Variants in CTDP1 observed in about 807,000 individuals in gnomAD.
The protein encoded by CTDP1 is CTD phosphatase 1, also known as RNA polymerase II subunit A C-terminal domain phosphatase.
In CTDP1, 47 loss-of-function variants were observed where a neutral mutation model predicts 91.8. The ratio of observed to expected loss-of-function variants is 0.51; its 90% CI spans 0.41 to 0.65. The LOEUF is 0.65. Ranked by LOEUF, CTDP1 falls within the 30% of genes least tolerant of loss-of-function variation. The probability of loss-of-function intolerance (pLI) is 0.00; values close to 1 mark genes in which losing one functional copy is unlikely to be tolerated. For synonymous variants in CTDP1, 656 were observed against 598.5 expected (o/e 1.10, Z -1.40); for missense variants, 1,272 against 1,373.7 (o/e 0.93, Z 1.17).
intron 12 of CTDP1, among the ~76,000 whole-genome samples, chr18:79,749,579 C>T (rs554664157): frequency 2.6e-5 from 4 of 151,868 alleles, no homozygotes; most frequent in African/African-American, 7.2e-5. Flanking sequence ...GAGGGCACTT[C>T]GGCTCTCCTG....
intron 4 of CTDP1, among the ~76,000 whole-genome samples, chr18:79,698,674 C>CT (rs2085797598): frequency 6.6e-6 from 1 of 152,178 alleles, no homozygotes; most frequent in Admixed American, 6.5e-5. Context: ...CTCACCAACA[C>CT]TGAGTTGTTT....
chr18:79,693,743 G>C (rs1485046782), intron 1 of CTDP1, among the ~76,000 whole-genome samples: 1 of 152,020 alleles, frequency 6.6e-6, no homozygotes, highest in East Asian at 1.9e-4. Context: ...AGGGTGATCC[G>C]CACACGCCCA....
At chr18:79,748,153 A>G (rs904412493) in intron 12 of CTDP1, among the ~76,000 whole-genome samples, 2 of 152,238 alleles carry the variant, frequency 1.3e-5, no homozygotes, top group African/African-American at 4.8e-5. Flanking sequence ...TGAAGCTAGT[A>G]TCAGTTGCGG....
rs764424504 is a variant in CTDP1 at position 79,715,140 on chromosome 18, C to T, written c.1680C>T (p.Asn560=). 11 of 1,613,488 alleles carry T rather than the reference C, an allele frequency of 6.8e-6. No individual in the cohort carries two copies. In the East Asian group the frequency reaches 2.2e-4, roughly 33 times the overall value. Residue 560 remains asparagine, a synonymous_variant, in exon 8 of 13, where the codon AAC becomes AAT. Transcript: ENST00000613122. ...DRKEAETESQ[N]SELSGVTAGE... is the part of the protein sequence containing the mutation. Reference sequence around the variant, plus strand: ...AGGAGGCGGAGACCGAGTCACAGAACAGCGAGCTGTCGGGGGTCACTGCGG... The same window carrying T: ...AGGAGGCGGAGACCGAGTCACAGAATAGCGAGCTGTCGGGGGTCACTGCGG...
chr18:79,740,643 G>A (rs1011980537), intron 12 of CTDP1, among the ~76,000 whole-genome samples: 4 of 152,158 alleles, frequency 2.6e-5, no homozygotes, highest in Middle Eastern at 3.2e-3. Context: ...CTGGTGGTAC[G>A]TCTTGCTAAT....
intron 12 of CTDP1, among the ~76,000 whole-genome samples, chr18:79,746,885 C>G (rs2086893579): frequency 6.6e-6 from 1 of 152,210 alleles, no homozygotes; most frequent in Non-Finnish European, 1.5e-5. Context: ...CCGCCTCAGC[C>G]TCCCAAAGTG....
chr18:79,719,108 AC>A (rs2086280930), intron 10 of CTDP1, among the ~76,000 whole-genome samples: 3 of 152,224 alleles, frequency 2.0e-5, no homozygotes, highest in Admixed American at 2.0e-4. Flanking sequence ...CCCGCCAGGC[AC>A]CGCGGCAAAG....
In CTDP1 at chr18:79,680,136, C is replaced by T. The variant is rs747724850; in HGVS notation, c.189C>T (p.Ala63=). The change falls in exon 1 of 13, where the codon GCC becomes GCT. Residue 63 remains alanine (A), a synonymous_variant. Coordinates refer to ENST00000613122, the MANE Select transcript of CTDP1 (RefSeq NM_004715.5). ...EAAASAQSSG[A]SQSRVASGGC... ...CCGCCTCCGCGCAGTCCTCCGGGGC[C>T]TCTCAGTCCCGTGTAGCCTCCGGGG... 11 of 1,431,612 alleles carry T rather than the reference C, an allele frequency of 7.7e-6. No individual in the cohort carries two copies. Among genetic ancestry groups the T allele is most frequent in the South Asian group, 6.9e-5 (5 of 72,210 alleles). The allele number at this position is 1,431,612 out of a possible 1,614,324, so 88.7% of individuals were successfully genotyped here. A position where few individuals can be genotyped will look rare whatever the true frequency, so the allele number is the denominator to read the frequency against.
chr18:79,736,906 T>TGTGG (rs1555684249), intron 12 of CTDP1, among the ~76,000 whole-genome samples: 4 of 149,980 alleles, frequency 2.7e-5, no homozygotes, highest in East Asian at 2.0e-4. Context: ...GTTCTGCAGG[T>TGTGG]GGGGGGTCTG....
intron 11 of CTDP1, among the ~76,000 whole-genome samples, chr18:79,732,820 T>C (rs1458561714): frequency 2.0e-5 from 3 of 150,542 alleles, no homozygotes; most frequent in East Asian, 2.0e-4. Flanking sequence ...CCCAAAATCA[T>C]GAGATGTAAG....
intron 6 of CTDP1, 66 bp from the exon 7 acceptor site, chr18:79,712,906 T>G (rs1198407375): frequency 1.3e-6 from 2 of 1,552,430 alleles, no homozygotes; most frequent in East Asian, 4.5e-5. Context: ...ACTGTTACGC[T>G]TGGCAAGATG....
At chr18:79,708,837 C>G (rs542760748) in intron 5 of CTDP1, among the ~76,000 whole-genome samples, 1 of 152,256 alleles carries the variant, frequency 6.6e-6, no homozygotes, top group Non-Finnish European at 1.5e-5. Flanking sequence ...GTTCAATTTT[C>G]TTACAATTTC....
intron 8 of CTDP1, among the ~76,000 whole-genome samples, chr18:79,716,281 G>C (rs896079283): frequency 6.6e-6 from 1 of 152,220 alleles, no homozygotes; most frequent in African/African-American, 2.4e-5. Context: ...AAAGCCTTGT[G>C]GGGTGAGCTC....
At chr18:79,747,571 C>A (rs571188680) in intron 12 of CTDP1, among the ~76,000 whole-genome samples, 27 of 152,206 alleles carry the variant, frequency 1.8e-4, no homozygotes, top group Non-Finnish European at 3.2e-4. Flanking sequence ...CCTTCCAGGT[C>A]CCCGCGGAGC....
At chr18:79,749,369 C>T (rs2086947173) in intron 12 of CTDP1, among the ~76,000 whole-genome samples, 2 of 152,040 alleles carry the variant, frequency 1.3e-5, no homozygotes, top group Non-Finnish European at 2.9e-5. Flanking sequence ...ACGTCCAACC[C>T]AGCGTCGCTG....
intron 12 of CTDP1, among the ~76,000 whole-genome samples, chr18:79,744,301 C>T (rs773819745): frequency 7.9e-5 from 12 of 152,232 alleles, no homozygotes; most frequent in Admixed American, 2.0e-4. Flanking sequence ...CAGGTGACCC[C>T]AACCTTGGCA....
chr18:79,735,579 C>T (rs1196810223), intron 11 of CTDP1: 1 of 152,494 alleles, frequency 6.6e-6, no homozygotes, highest in East Asian at 1.9e-4. Flanking sequence ...TCTCCCATCT[C>T]CGTGCAGTTC....
chr18:79,741,681 G>T (rs184522506), intron 12 of CTDP1, among the ~76,000 whole-genome samples: 1 of 152,332 alleles, frequency 6.6e-6, no homozygotes, highest in East Asian at 1.9e-4. Flanking sequence ...CTCCACAGGG[G>T]TGTGTGGTCA....
chr18:79,713,229 AAATTC>A lies in CTDP1; in HGVS notation c.1030+94_1030+98del. The A allele has an allele frequency of 7.8e-7, 1 of 1,278,244 alleles. No individual in the cohort carries two copies. The highest frequency in any genetic ancestry group is 1.3e-5 in the South Asian group (1 of 77,564). 79.2% of individuals were successfully genotyped at this position (1,278,244 alleles called of 1,614,324 possible). On this transcript the variant is annotated intron_variant, in intron 7 of 12. Transcript: ENST00000613122. This position sits in a 1 kb window ranked among gnomAD's most constrained non-coding sequence, Gnocchi z 4.7. ...TTCTTATCTCTGTTTTGACTGCTAT[AAATTC>A]AAGATACACTTTTTTTATTTGTGTT...
Sources: gnomAD v4.1 joint callset for allele counts (sites outside exome capture counted in the v4.1 genomes callset) on GRCh38, gnomAD v4.1.1 for gene constraint, Gnocchi (gnomAD v3.1) non-coding constraint, MANE v1.5 for transcripts, NCBI Gene and HGNC (gene_info 2026-07-23, HGNC 2026-07-21) for gene names.